The following USP26 variants were observed in gnomAD, a reference collection of about 807,000 sequenced individuals.
The protein encoded by USP26 is ubiquitin specific peptidase 26.
For synonymous variants in USP26, 236 were observed against 240.6 expected (o/e 0.98, Z 0.18); for missense variants, 649 against 642.3 (o/e 1.01, Z -0.11).
rs944786746 is a variant in USP26 at position 133,055,311 on chromosome X, A to T, written c.-76-27015T>A. Among the ~76,000 whole-genome samples, 3 of 111,504 alleles carry T rather than the reference A, an allele frequency of 2.7e-5. No homozygotes were observed. The Admixed American group carries it at 2.9e-4, about 11-fold the overall frequency. On this transcript the variant is annotated intron_variant, in intron 5 of 5. Transcript: ENST00000511190. ...TGCCAATGAGATTAGAGCTTCATAG[A>T]CACAGAGATGGCCCTTGCAGTGGAA...
chrX:133,050,542 C>T (rs2067455445), intron 5 of USP26, among the ~76,000 whole-genome samples: 1 of 111,841 alleles, frequency 8.9e-6, no homozygotes, highest in African/African-American at 3.2e-5. Context: ...ACAAATTGCT[C>T]ATATACTTTT....
At position 133,026,212 on chromosome X, in the gene USP26, T is replaced by C. The variant is rs747734964; in HGVS notation, c.2009A>G (p.His670Arg). Residue 670 changes from histidine (H) to arginine (R), a missense_variant, in exon 6 of 6, where the codon CAC (histidine) becomes CGC (arginine). His to Arg is a conservative substitution (Grantham distance 29). Transcript: ENST00000511190. ...YLEDTSLCQF[H>R]KAGGKPASSP... is the part of the protein sequence containing the mutation. ...GCTGGCAGGTTTACCTCCAGCTTTGTGGAACTGACAAAGTGAGGTATCTTC... is the reference window on the plus strand; with the variant it reads ...GCTGGCAGGTTTACCTCCAGCTTTGCGGAACTGACAAAGTGAGGTATCTTC... 106 of 1,208,050 alleles carry C rather than the reference T, an allele frequency of 8.8e-5. No individual in the cohort carries two copies. In the South Asian group the frequency reaches 1.7e-3, roughly 20 times the overall value.
intron 5 of USP26, among the ~76,000 whole-genome samples, chrX:133,039,689 T>C (rs1416939900): frequency 1.8e-5 from 2 of 112,002 alleles, no homozygotes; most frequent in African/African-American, 6.5e-5. Flanking sequence ...TGGAGAGTTC[T>C]GTAGATATCT....
At chrX:133,069,880 G>A (rs1171077321) in intron 5 of USP26, among the ~76,000 whole-genome samples, 2 of 111,741 alleles carry the variant, frequency 1.8e-5, no homozygotes, top group African/African-American at 6.5e-5. Context: ...AGGGCAGAAT[G>A]TGAAAGGGAC....
intron 5 of USP26, among the ~76,000 whole-genome samples, chrX:133,081,730 C>T (rs773533523): frequency 3.3e-4 from 37 of 112,361 alleles, no homozygotes; most frequent in Admixed American, 6.6e-4. Context: ...ACTGATACAT[C>T]TCAAACTGAG....
chrX:133,065,001 G>T (rs752757936), intron 5 of USP26, among the ~76,000 whole-genome samples: 1 of 111,693 alleles, frequency 9.0e-6, no homozygotes, highest in African/African-American at 3.2e-5. Context: ...AAGAAGAAAA[G>T]AGAGAAGAAT....
intron 5 of USP26, among the ~76,000 whole-genome samples, chrX:133,079,441 G>T (rs2067562213): frequency 8.9e-6 from 1 of 111,784 alleles, no homozygotes; most frequent in South Asian, 3.7e-4. Flanking sequence ...CATGAGCAGT[G>T]GAAGAATTTT....
At position 133,035,374 on chromosome X, in the gene USP26, C is replaced by G. The variant is rs191059821; in HGVS notation, c.-76-7078G>C. On this transcript the variant is annotated intron_variant, in intron 5 of 5. Transcript: ENST00000511190. The stretch of plus-strand genomic sequence containing the variant: ...AGAGCAGAAAATAAGGGGGAAATCA[C>G]AAAAGATTAGCTGGAGACCTCACCT... 3.6e-4 allele frequency among the ~76,000 whole-genome samples: 40 copies of G among 111,810 alleles called. No individual in the cohort carries two copies. The East Asian group carries it at 0.01, about 28-fold the overall frequency.
chrX:133,035,509 T>C (rs1036827635), intron 5 of USP26, among the ~76,000 whole-genome samples: 12 of 111,892 alleles, frequency 1.1e-4, no homozygotes, highest in African/African-American at 2.9e-4. Flanking sequence ...ACAGAAAACA[T>C]TGGGGAGCTA....
chrX:133,039,717 C>A (rs1018325162), intron 5 of USP26, among the ~76,000 whole-genome samples: 2 of 111,317 alleles, frequency 1.8e-5, no homozygotes, highest in Admixed American at 1.9e-4. Flanking sequence ...CTGCTTGGTC[C>A]AGAGCTGAGT....
chrX:133,044,720 C>T (rs1012251863), intron 5 of USP26, among the ~76,000 whole-genome samples: 4 of 113,284 alleles, frequency 3.5e-5, no homozygotes, highest in Non-Finnish European at 7.5e-5. Flanking sequence ...CCCCCTGCTC[C>T]ACAGTGCCTG....
rs1003414512 is a variant in USP26, at chrX:133,045,437, A to G, written c.-76-17141T>C. On this transcript the variant is annotated intron_variant, in intron 5 of 5. Transcript: ENST00000511190. The stretch of plus-strand genomic sequence containing the variant: ...GCAGGCTGCCCGAGCCAGCAGTGGC[A>G]ACCCACTGGAGTCCTCTTCCACACT... 2.7e-5 allele frequency among the ~76,000 whole-genome samples: 3 copies of G among 112,174 alleles called. No homozygotes were observed. The Admixed American group carries it at 2.8e-4, about 11-fold the overall frequency.
intron 5 of USP26, among the ~76,000 whole-genome samples, chrX:133,051,711 T>C (rs920779370): frequency 8.0e-5 from 9 of 112,329 alleles, no homozygotes; most frequent in Non-Finnish European, 1.5e-4. Context: ...ACATTTTCTG[T>C]GATATGACAG....
At chrX:133,043,359 A>G (rs1377184906) in intron 5 of USP26, among the ~76,000 whole-genome samples, 1 of 112,348 alleles carries the variant, frequency 8.9e-6, no homozygotes, top group Non-Finnish European at 1.9e-5. Flanking sequence ...CTTTTCCCTC[A>G]CACTGTTTGT....
intron 5 of USP26, among the ~76,000 whole-genome samples, chrX:133,037,946 C>T (rs2067401656): frequency 1.8e-5 from 2 of 111,072 alleles, no homozygotes; most frequent in South Asian, 7.5e-4. Context: ...TGGGAGTTTA[C>T]TCATGATTTG....
Position 133,027,858 on chromosome X carries a change from G to T in USP26, c.363C>A (p.Ser121Arg). The T allele has an allele frequency of 8.3e-7, 1 of 1,202,400 alleles. No homozygotes were observed. ...TTTTGTTGATTTCCTTCTGTGTTGT[G>T]CTAGAAAAGACACTCCCACCCTTAC... ...RPGKGGSVFS[S>R]TTQKEINKTS... is the part of the protein sequence containing the mutation. Residue 121 changes from serine (S) to arginine (R), a missense_variant, in exon 6 of 6, where the codon AGC becomes AGA. Coordinates refer to ENST00000511190, the MANE Select transcript of USP26 (RefSeq NM_031907.3).
chrX:133,094,175 G>T (rs1478713430), intron 1 of USP26, among the ~76,000 whole-genome samples: 1 of 110,613 alleles, frequency 9.0e-6, no homozygotes, highest in Non-Finnish European at 1.9e-5. Context: ...ATACACAATA[G>T]GAGTCACAAA....
chrX:133,036,296 G>T (rs1267164808), intron 5 of USP26, among the ~76,000 whole-genome samples: 3 of 109,970 alleles, frequency 2.7e-5, no homozygotes, highest in Non-Finnish European at 3.8e-5. Flanking sequence ...ATATGCATTA[G>T]GTATTTCTCC....
At chrX:133,053,156 G>T (rs1443109025) in intron 5 of USP26, among the ~76,000 whole-genome samples, 1 of 111,799 alleles carries the variant, frequency 8.9e-6, no homozygotes, top group African/African-American at 3.3e-5. Context: ...GTTATTCTAA[G>T]AAGCCCATGA....
Sources: gnomAD v4.1 joint callset for allele counts (sites outside exome capture counted in the v4.1 genomes callset) on GRCh38, gnomAD v4.1.1 for gene constraint, MANE v1.5 for transcripts, NCBI Gene and HGNC (gene_info 2026-07-23, HGNC 2026-07-21) for gene names.